Variants in BCL2 observed in about 807,000 individuals in gnomAD.
BCL2 encodes the protein BCL2 apoptosis regulator, also known as apoptosis regulator Bcl-2.
BCL2 carries 1 observed loss-of-function variant against 14.2 expected under a neutral mutation model. The observed-to-expected ratio is 0.07, with a 90% confidence interval of 0.02 to 0.33. The LOEUF is 0.33. Among genes scored for constraint, BCL2 ranks in the 10% least tolerant of loss-of-function variants. The probability of loss-of-function intolerance (pLI) is 0.99; values close to 1 mark genes in which losing one functional copy is unlikely to be tolerated. For missense variants in BCL2, 247 were observed against 305.9 expected (o/e 0.81, Z 1.44); for synonymous variants, 151 against 137.2 (o/e 1.10, Z -0.70).
At chr18:63,128,807 A>G in intron 2 of BCL2, 48 bp from the exon 3 acceptor site, 1 of 735,444 alleles carries the variant, frequency 1.4e-6, no homozygotes, top group Non-Finnish European at 2.5e-6. Context: ...TATTAGAGAG[A>G]GAGCAGAGAA....
intron 2 of BCL2, among the ~76,000 whole-genome samples, chr18:63,228,821 G>A (rs1305134453): frequency 6.6e-6 from 1 of 152,106 alleles, no homozygotes; most frequent in East Asian, 1.9e-4. Flanking sequence ...TAATTCTTGT[G>A]CCTCAGCCTC....
chr18:63,178,102 T>A (rs908455827), intron 2 of BCL2, among the ~76,000 whole-genome samples: 1 of 152,004 alleles, frequency 6.6e-6, no homozygotes, highest in Non-Finnish European at 1.5e-5. Flanking sequence ...TCATGATAAA[T>A]CAGTTGGAGC....
intron 2 of BCL2, among the ~76,000 whole-genome samples, chr18:63,257,336 G>A (rs1911508930): frequency 6.6e-6 from 1 of 152,194 alleles, no homozygotes; most frequent in African/African-American, 2.4e-5. Flanking sequence ...AAAACGAATA[G>A]ACAGTTTCCC....
intron 2 of BCL2, among the ~76,000 whole-genome samples, chr18:63,266,740 G>A (rs1182798184): frequency 1.3e-5 from 2 of 151,994 alleles, no homozygotes; most frequent in African/African-American, 4.8e-5. Flanking sequence ...ACAAGGCTGT[G>A]TGACCTTGGG....
chr18:63,241,265 G>T (rs1910992581), intron 2 of BCL2, among the ~76,000 whole-genome samples: 1 of 152,132 alleles, frequency 6.6e-6, no homozygotes, highest in South Asian at 2.1e-4. Flanking sequence ...ATGAGACAAA[G>T]TGCAGAAAAC....
intron 2 of BCL2, among the ~76,000 whole-genome samples, chr18:63,200,684 A>G (rs540742533): frequency 4.6e-5 from 7 of 152,256 alleles, no homozygotes; most frequent in Non-Finnish European, 1.0e-4. Flanking sequence ...CTGGAGTGCA[A>G]TGGTGCAACA....
chr18:63,317,563 T>TGA, intron 2 of BCL2: 14 of 988,058 alleles, frequency 1.4e-5, no homozygotes, highest in Non-Finnish European at 1.7e-5. Context: ...TTTTACCGAT[T>TGA]GATGATGCCC....
chr18:63,173,416 G>A (rs985516209), intron 2 of BCL2, among the ~76,000 whole-genome samples: 3 of 152,142 alleles, frequency 2.0e-5, no homozygotes, highest in African/African-American at 7.2e-5. Flanking sequence ...AGCTAAAAAT[G>A]TTTTTCCCTG....
At chr18:63,160,881 G>A (rs1353120945) in intron 2 of BCL2, among the ~76,000 whole-genome samples, 1 of 152,074 alleles carries the variant, frequency 6.6e-6, no homozygotes, top group Non-Finnish European at 1.5e-5. Context: ...GGGACCAGAG[G>A]TGGAAGACCT....
chr18:63,160,480 TA>T (rs1914893633), intron 2 of BCL2, among the ~76,000 whole-genome samples: 1 of 152,168 alleles, frequency 6.6e-6, no homozygotes, highest in Non-Finnish European at 1.5e-5. Context: ...CATATTCTCA[TA>T]GGGGCAAATG....
chr18:63,276,455 A>G (rs935118036), intron 2 of BCL2, among the ~76,000 whole-genome samples: 4 of 152,184 alleles, frequency 2.6e-5, no homozygotes, highest in African/African-American at 9.7e-5. Flanking sequence ...AACCTGCAGT[A>G]CATGGGATGG....
intron 2 of BCL2, among the ~76,000 whole-genome samples, chr18:63,143,238 A>T (rs1325536415): frequency 2.0e-5 from 3 of 152,236 alleles, no homozygotes; most frequent in African/African-American, 7.2e-5. Context: ...AGAAAGACAA[A>T]GAGAAAGAGA....
intron 2 of BCL2, among the ~76,000 whole-genome samples, chr18:63,307,803 T>C (rs1453899723): frequency 6.6e-6 from 1 of 152,164 alleles, no homozygotes; most frequent in Non-Finnish European, 1.5e-5. Context: ...AATGCACAGA[T>C]GGCCACTGAA....
chr18:63,226,568 C>T (rs1164144627), intron 2 of BCL2, among the ~76,000 whole-genome samples: 1 of 152,160 alleles, frequency 6.6e-6, no homozygotes, highest in Admixed American at 6.5e-5. Context: ...ATCCATTTAT[C>T]TGGAGATTAT....
At chr18:63,268,272 A>T (rs1241593889) in intron 2 of BCL2, among the ~76,000 whole-genome samples, 2 of 152,234 alleles carry the variant, frequency 1.3e-5, no homozygotes, top group Non-Finnish European at 2.9e-5. Context: ...TCTTGTGCTC[A>T]CTGTCTTCAG....
chr18:63,293,270 ATCT>A, intron 2 of BCL2, among the ~76,000 whole-genome samples: 1 of 152,370 alleles, frequency 6.6e-6, no homozygotes, highest in East Asian at 1.9e-4. Flanking sequence ...TCCACTGAAC[ATCT>A]TAAACCAAAA....
rs893075195 is a variant in BCL2, at chr18:63,211,931, A to G, written c.586-83172T>C. ...AAAATGCAATCAGGTTTCGCCAGAA[A>G]TGCAGTCATGTGACTCCTTTCTTCT... On this transcript the variant is annotated intron_variant, in intron 2 of 2. Transcript: ENST00000333681. Among the ~76,000 whole-genome samples the G allele has an allele frequency of 2.6e-5, 4 of 152,228 alleles. No homozygotes were observed. The East Asian group carries it at 5.8e-4, about 22-fold the overall frequency.
chr18:63,231,893 T>C (rs28669125), intron 2 of BCL2, among the ~76,000 whole-genome samples: 12,887 of 152,066 alleles, frequency 0.085, 571 homozygotes, highest in South Asian at 0.16. Flanking sequence ...AAGAATAATA[T>C]GGGGACTTGT....
rs777291817 is a variant in BCL2, at chr18:63,213,937, G to A, written c.586-85178C>T. ...GTGTCAGATAAAGAAATTAAGAGGG[G>A]GCTGGGAGAAGCACTCTGTCAAATA... On this transcript the variant is annotated intron_variant, in intron 2 of 2. Coordinates refer to ENST00000333681, the MANE Select transcript of BCL2 (RefSeq NM_000633.3). Among the ~76,000 whole-genome samples, 154 of 152,130 alleles carry A rather than the reference G, an allele frequency of 1.0e-3. 1 individual carries two copies. The highest frequency in any genetic ancestry group is 1.8e-3 in the Non-Finnish European group (125 of 68,028).
Sources: allele counts gnomAD v4.1 joint callset (sites outside exome capture counted in the v4.1 genomes callset), GRCh38; gene constraint gnomAD v4.1.1; transcripts MANE v1.5; gene names NCBI Gene and HGNC (gene_info 2026-07-23, HGNC 2026-07-21).